The following ZNF727 variants were observed in gnomAD, a reference collection of about 807,000 sequenced individuals.
ZNF727 encodes zinc finger protein 727.
A neutral mutation model predicts 11.5 loss-of-function variants in ZNF727; 11 were observed. The ratio of observed to expected loss-of-function variants is 0.95; its 90% CI spans 0.60 to 1.58. ZNF727 has a LOEUF of 1.58. ZNF727 is among the 40% of genes most tolerant of loss of function. The pLI is 0.00. For missense variants in ZNF727, 533 were observed against 581.7 expected (o/e 0.92, Z 0.86); for synonymous variants, 171 against 196.1 (o/e 0.87, Z 1.07).
chr7:64,045,861 G>C (rs921781278), intron 1 of ZNF727, among the ~76,000 whole-genome samples: 3 of 152,072 alleles, frequency 2.0e-5, no homozygotes, highest in African/African-American at 7.2e-5. Flanking sequence ...GAGACTTTTT[G>C]GGCAGCTCTG....
intron 3 of ZNF727, among the ~76,000 whole-genome samples, chr7:64,071,313 G>GTT (rs1468231521): frequency 6.6e-6 from 1 of 151,886 alleles, no homozygotes; most frequent in Non-Finnish European, 1.5e-5. Context: ...GTCCTAACAG[G>GTT]TATAAAGTAA....
rs1355132188 is a variant in ZNF727 at position 64,081,732 on chromosome 7, A to C, written c.*3183A>C. Among the ~76,000 whole-genome samples the C allele has an allele frequency of 1.3e-5, 2 of 152,132 alleles. No individual in the cohort carries two copies. Among genetic ancestry groups the C allele is most frequent in the East Asian group, 3.9e-4 (2 of 5,174 alleles). On this transcript the variant is annotated 3_prime_UTR_variant, in exon 4 of 4. Coordinates refer to ENST00000456806, the MANE Select transcript of ZNF727 (RefSeq NM_001159522.3). ...GTTGGATCAGCTTCTTCTGATTTGCAAGACCATCCTGCAGAAATTAGGTCC... is the reference window on the plus strand; with the variant it reads ...GTTGGATCAGCTTCTTCTGATTTGCCAGACCATCCTGCAGAAATTAGGTCC...
intron 1 of ZNF727, among the ~76,000 whole-genome samples, chr7:64,055,524 C>G (rs1161629916): frequency 6.6e-6 from 1 of 152,158 alleles, no homozygotes; most frequent in Non-Finnish European, 1.5e-5. Flanking sequence ...AGTTGAAACT[C>G]TATGTATTTC....
chr7:64,046,498 C>A (rs1229998999), intron 1 of ZNF727, among the ~76,000 whole-genome samples: 2 of 152,166 alleles, frequency 1.3e-5, no homozygotes, highest in Non-Finnish European at 2.9e-5. Flanking sequence ...ATTGACCTCT[C>A]GATAGTGACT....
intron 1 of ZNF727, among the ~76,000 whole-genome samples, chr7:64,063,932 T>C (rs1372970123): frequency 2.0e-5 from 3 of 152,032 alleles, no homozygotes; most frequent in Admixed American, 2.0e-4. Context: ...AGTAAGTACT[T>C]CCAGGCTACT....
intron 1 of ZNF727, among the ~76,000 whole-genome samples, chr7:64,060,850 TTCTTTCACTTA>T (rs1789759313): frequency 6.6e-6 from 1 of 152,080 alleles, no homozygotes; most frequent in Admixed American, 6.6e-5. Context: ...TTCTTAGTAC[TTCTTTCACTTA>T]TTCATAGCTA....
At chr7:64,056,405 AC>A (rs1238966833) in intron 1 of ZNF727, among the ~76,000 whole-genome samples, 2 of 152,202 alleles carry the variant, frequency 1.3e-5, no homozygotes, top group Non-Finnish European at 2.9e-5. Context: ...TGAGAATGTG[AC>A]AAAAGACATC....
rs1785731036 is a variant in ZNF727 at position 64,078,555 on chromosome 7, A to G, written c.*6A>G. ...CCTTACTAAACATAAGGTAATTCAT[A>G]CTGGAGATAAACCTTACAAATGTAA... is the stretch of plus-strand genomic sequence containing the variant. On this transcript the variant is annotated 3_prime_UTR_variant, in exon 4 of 4. Coordinates refer to ENST00000456806, the MANE Select transcript of ZNF727 (RefSeq NM_001159522.3). The G allele has an allele frequency of 1.3e-6, 2 of 1,556,444 alleles. No homozygotes were observed. The highest frequency in any genetic ancestry group is 1.7e-6 in the Non-Finnish European group (2 of 1,150,350).
At chr7:64,052,234 T>A (rs1309472012) in intron 1 of ZNF727, among the ~76,000 whole-genome samples, 1 of 152,138 alleles carries the variant, frequency 6.6e-6, no homozygotes, top group Admixed American at 6.5e-5. Flanking sequence ...TAGCTAAAAG[T>A]CTCTGCAGGT....
At chr7:64,053,794 C>T (rs1164240000) in intron 1 of ZNF727, among the ~76,000 whole-genome samples, 1 of 152,150 alleles carries the variant, frequency 6.6e-6, no homozygotes, top group Non-Finnish European at 1.5e-5. Context: ...GTAAATTGCC[C>T]AGTCTCAGGT....
rs1785843718 is a variant in ZNF727 at position 64,084,476 on chromosome 7, A to G, written c.*5927A>G. ...GGTCAACAGATGGTAACAATATACT[A>G]TTGTGTGACTGTGGAATAACATCTC... On this transcript the variant is annotated 3_prime_UTR_variant, in exon 4 of 4. Coordinates refer to ENST00000456806, the MANE Select transcript of ZNF727 (RefSeq NM_001159522.3). Among the ~76,000 whole-genome samples, 1 of 152,176 alleles carries G rather than the reference A, an allele frequency of 6.6e-6. No homozygotes were observed.
intron 1 of ZNF727, among the ~76,000 whole-genome samples, chr7:64,066,907 A>G (rs1423055706): frequency 6.6e-6 from 1 of 152,178 alleles, no homozygotes; most frequent in East Asian, 1.9e-4. Context: ...TATCCATCTG[A>G]CAAAGGGCTA....
At chr7:64,049,611 A>G (rs890435323) in intron 1 of ZNF727, among the ~76,000 whole-genome samples, 112 of 151,974 alleles carry the variant, frequency 7.4e-4, no homozygotes, top group African/African-American at 2.6e-3. Context: ...ATATTTTATA[A>G]TTTTTAGAAA....
In ZNF727 at chr7:64,071,168, A is replaced by T. The variant is rs184606617; in HGVS notation, c.226+1559A>T. On this transcript the variant is annotated intron_variant, in intron 3 of 3. Transcript: ENST00000456806. ...AAATTGTACAATAGTACTATTAAAAATTTTTTTAAAGAACCTTCATACTGG... is the reference window on the plus strand; with the variant it reads ...AAATTGTACAATAGTACTATTAAAATTTTTTTTAAAGAACCTTCATACTGG... Among the ~76,000 whole-genome samples, 10 of 152,056 alleles carry T rather than the reference A, an allele frequency of 6.6e-5. No individual in the cohort carries two copies. In the East Asian group the frequency reaches 7.7e-4, roughly 12 times the overall value.
chr7:64,051,430 C>G (rs1270866105), intron 1 of ZNF727, among the ~76,000 whole-genome samples: 1 of 152,012 alleles, frequency 6.6e-6, no homozygotes, highest in Non-Finnish European at 1.5e-5. Context: ...AGGCCAGACA[C>G]AAGATTTTAA....
chr7:64,055,817 C>A (rs985577570), intron 1 of ZNF727, among the ~76,000 whole-genome samples: 1 of 152,218 alleles, frequency 6.6e-6, no homozygotes, highest in South Asian at 2.1e-4. Context: ...GCCATAAACA[C>A]AAGCATACGA....
In ZNF727 at chr7:64,078,472, A is replaced by T. The variant is rs373807490; in HGVS notation, c.1423A>T (p.Thr475Ser). The change falls in exon 4 of 4, where the codon ACT becomes TCT. Residue 475 changes from threonine (T) to serine (S), a missense_variant. Coordinates refer to ENST00000456806, the MANE Select transcript of ZNF727 (RefSeq NM_001159522.3). ...SSLIKHKRSH[T>S]GDRPTSAKNV... ...CCTTATTAAACACAAGAGAAGTCAT[A>T]CTGGAGACAGACCTACAAGTGCAAA... 1.5e-4 allele frequency: 233 copies of T among 1,568,372 alleles called. 2 individuals are homozygous for T. The African/African-American group carries it at 2.6e-3, about 18-fold the overall frequency.
intron 1 of ZNF727, among the ~76,000 whole-genome samples, chr7:64,047,087 A>T (rs141570414): frequency 3.3e-5 from 5 of 152,068 alleles, no homozygotes; most frequent in Admixed American, 1.3e-4. Flanking sequence ...CCTAATTGCC[A>T]GCTATTTAGT....
At chr7:64,071,106 A>G (rs1220476631) in intron 3 of ZNF727, among the ~76,000 whole-genome samples, 1 of 152,082 alleles carries the variant, frequency 6.6e-6, no homozygotes, top group Non-Finnish European at 1.5e-5. Context: ...TTTCTTTGAG[A>G]TAGTAAATTT....
Sources: gnomAD v4.1 joint callset for allele counts (sites outside exome capture counted in the v4.1 genomes callset) on GRCh38, gnomAD v4.1.1 for gene constraint, MANE v1.5 for transcripts, NCBI Gene and HGNC (gene_info 2026-07-23, HGNC 2026-07-21) for gene names.